The following KDM5A variants were observed in gnomAD, a reference collection of about 807,000 sequenced individuals.
KDM5A encodes the protein lysine demethylase 5A, also known as lysine-specific demethylase 5A.
KDM5A carries 42 observed loss-of-function variants against 193.5 expected under a neutral mutation model. The ratio of observed to expected loss-of-function variants is 0.22; its 90% CI spans 0.17 to 0.28. The LOEUF (loss-of-function observed/expected upper bound fraction) is 0.28, where lower values mean the gene tolerates loss of function less well. Among genes scored for constraint, KDM5A ranks in the 10% least tolerant of loss-of-function variants. The pLI is 1.00. For missense variants in KDM5A, 1,692 were observed against 2,055.1 expected, an observed-to-expected ratio of 0.82 and a Z score of 3.42; for synonymous variants, 796 against 718.1, an observed-to-expected ratio of 1.11 and a Z score of -1.73.
chr12:298,781 A>G (rs4980810), intron 24 of KDM5A, among the ~76,000 whole-genome samples: 44,892 of 151,834 alleles, frequency 0.3, 6,842 homozygotes, highest in East Asian at 0.51. Context: ...CTAACCCAAT[A>G]CAAGGAAGCT....
chr12:367,195 C>T (rs78202376), intron 3 of KDM5A, among the ~76,000 whole-genome samples: 56 of 152,148 alleles, frequency 3.7e-4, no homozygotes, highest in Admixed American at 1.2e-3. Context: ...GACTGTGACA[C>T]AGTGTTCAAA....
At chr12:336,690 A>T (rs1429508067) in intron 10 of KDM5A, among the ~76,000 whole-genome samples, 1 of 151,904 alleles carries the variant, frequency 6.6e-6, no homozygotes, top group Non-Finnish European at 1.5e-5. Context: ...AAAATACAAA[A>T]ATCAGCCAAG....
chr12:342,308 AAATG>A (rs1393118378), intron 10 of KDM5A, among the ~76,000 whole-genome samples: 1 of 152,122 alleles, frequency 6.6e-6, no homozygotes, highest in African/African-American at 2.4e-5. Context: ...AAGAGAAAAG[AAATG>A]AATTACCATC....
intron 24 of KDM5A, among the ~76,000 whole-genome samples, chr12:305,120 A>G (rs552239272): frequency 1.3e-5 from 2 of 152,310 alleles, no homozygotes; most frequent in East Asian, 3.9e-4. Context: ...TTAGCAGTAC[A>G]CTAAGATGAT....
Position 295,771 on chromosome 12 carries a change from T to A in KDM5A, c.4257A>T (p.Gln1419His), listed in dbSNP as rs747149804. 6.2e-7 allele frequency: 1 copy of A among 1,613,886 alleles called. No homozygotes were observed. The highest frequency in any genetic ancestry group is 1.3e-5 in the African/African-American group (1 of 74,872). ...CSQGSSTPRK[Q>H]PRKSPLVPRS... is the part of the protein sequence containing the mutation. ...GGGGCACCAAAGGGCTCTTCCGAGG[T>A]TGTTTCCTTGGGGTGCTAGAACCTT... The change falls in exon 26 of 28, where the codon CAA becomes CAT. Residue 1419 changes from glutamine to histidine, a missense_variant. Around this residue, in one of 11 missense-constraint regions of KDM5A, gnomAD observed 965 missense variants for 1,061.0 expected, o/e 0.91. Coordinates refer to ENST00000399788, the MANE Select transcript of KDM5A (RefSeq NM_001042603.3).
intron 10 of KDM5A, among the ~76,000 whole-genome samples, chr12:345,633 C>T (rs1234085868): frequency 6.6e-6 from 1 of 152,196 alleles, no homozygotes; most frequent in African/African-American, 2.4e-5. Flanking sequence ...CGCACAACTA[C>T]ATGGAAACTT....
intron 6 of KDM5A, among the ~76,000 whole-genome samples, 195 bp downstream of exon 6, chr12:356,237 T>C (rs1944228035): frequency 1.3e-5 from 2 of 152,202 alleles, no homozygotes; most frequent in Non-Finnish European, 2.9e-5. Context: ...ATCATAAAAA[T>C]TCAACATAAC....
chr12:368,439 T>C (rs1234385282), intron 3 of KDM5A, among the ~76,000 whole-genome samples: 1 of 152,130 alleles, frequency 6.6e-6, no homozygotes, highest in African/African-American at 2.4e-5. Flanking sequence ...ACTTACTAGT[T>C]ATATGACCTT....
At chr12:381,196 G>T (rs1431779818) in intron 3 of KDM5A, among the ~76,000 whole-genome samples, 1 of 151,152 alleles carries the variant, frequency 6.6e-6, no homozygotes, top group Non-Finnish European at 1.5e-5. Flanking sequence ...GTTTCTCCAT[G>T]TTGGTTGGGT....
intron 3 of KDM5A, among the ~76,000 whole-genome samples, chr12:373,747 T>C (rs11829983): frequency 0.15 from 22,975 of 152,252 alleles, 1,963 homozygotes; most frequent in Admixed American, 0.27. Context: ...ACACACTGCT[T>C]TGAATGTGTC....
At chr12:294,291 AG>A (rs1166884159) in intron 26 of KDM5A, among the ~76,000 whole-genome samples, 18 of 152,320 alleles carry the variant, frequency 1.2e-4, no homozygotes, top group Admixed American at 6.5e-4. Context: ...AGTAACAGAA[AG>A]AACAGGAGGA....
At chr12:349,271 C>T (rs1289533359) in intron 10 of KDM5A, among the ~76,000 whole-genome samples, 2 of 150,842 alleles carry the variant, frequency 1.3e-5, no homozygotes, top group East Asian at 2.0e-4. Context: ...CCACTGGCCT[C>T]GGCCTCCCAA....
At position 310,978 on chromosome 12, in the gene KDM5A, C is replaced by T. The variant is rs1179399553; in HGVS notation, c.3123G>A (p.Pro1041=). The T allele has an allele frequency of 1.9e-6, 3 of 1,614,178 alleles. No individual in the cohort carries two copies. The highest frequency in any genetic ancestry group is 1.7e-5 in the Admixed American group (1 of 60,030). Reference sequence around the variant, plus strand: ...CTGCTGCTACCTGTGATTCCACTTGCGGCAGTGCTTCAAGACGCACAGGAA... The same window carrying T: ...CTGCTGCTACCTGTGATTCCACTTGTGGCAGTGCTTCAAGACGCACAGGAA... ...RPIPVRLEAL[P]QVESQVAAAR... is the part of the protein sequence containing the mutation. Residue 1041 remains proline (P), a synonymous_variant, in exon 21 of 28, where the codon CCG becomes CCA. Transcript: ENST00000399788.
In KDM5A at chr12:389,260, T is replaced by C. The variant is rs1319980118; in HGVS notation, c.-169A>G. Reference sequence around the variant, plus strand: ...AATCGCTTCCTCCTCCCGTTTGTTATTGTTTCTTGCAAGGCTTTTCCACTG... The same window carrying C: ...AATCGCTTCCTCCTCCCGTTTGTTACTGTTTCTTGCAAGGCTTTTCCACTG... On this transcript the variant is annotated 5_prime_UTR_variant, in exon 1 of 28. Transcript: ENST00000399788. 8 of 750,762 alleles carry C rather than the reference T, an allele frequency of 1.1e-5. No individual in the cohort carries two copies. The highest frequency in any genetic ancestry group is 4.4e-5 in the South Asian group (3 of 68,732). The allele number at this position is 750,762 out of a possible 1,614,324, so 46.5% of individuals were successfully genotyped here. A position where few individuals can be genotyped will look rare whatever the true frequency, so the allele number is the denominator to read the frequency against.
chr12:345,422 T>C (rs1944058810), intron 10 of KDM5A, among the ~76,000 whole-genome samples: 1 of 152,176 alleles, frequency 6.6e-6, no homozygotes, highest in African/African-American at 2.4e-5. Flanking sequence ...GCAGACCTAA[T>C]AGACATCTAC....
chr12:366,787 G>A (rs758266787), intron 3 of KDM5A, among the ~76,000 whole-genome samples: 8 of 152,164 alleles, frequency 5.3e-5, no homozygotes, highest in Non-Finnish European at 7.3e-5. Context: ...GCTCCTTAAC[G>A]TCCAGGAGCT....
chr12:289,570 G>C (rs479840), intron 27 of KDM5A, among the ~76,000 whole-genome samples: 53,064 of 151,264 alleles, frequency 0.35, 9,927 homozygotes, highest in East Asian at 0.57. Flanking sequence ...AAAAAAAGAG[G>C]TGGGCATAGT....
chr12:338,036 T>C (rs1943955854), intron 10 of KDM5A, among the ~76,000 whole-genome samples: 1 of 152,132 alleles, frequency 6.6e-6, no homozygotes. Context: ...AATCTTTAAA[T>C]GTTAAGTGAA....
chr12:350,453 A>T (rs1331775393), intron 10 of KDM5A, among the ~76,000 whole-genome samples, 168 bp downstream of exon 10: 1 of 151,676 alleles, frequency 6.6e-6, no homozygotes, highest in Non-Finnish European at 1.5e-5. Flanking sequence ...AAAAGAGTTA[A>T]ATAATTTTTC....
Sources: allele counts gnomAD v4.1 joint callset (sites outside exome capture counted in the v4.1 genomes callset), GRCh38; gene constraint gnomAD v4.1.1; regional missense constraint gnomAD v4.1.1; transcripts MANE v1.5; gene names NCBI Gene and HGNC (gene_info 2026-07-23, HGNC 2026-07-21).